Variants in STAG2 observed in about 807,000 individuals in gnomAD.
The protein encoded by STAG2 is STAG2 cohesin complex component.
Under a neutral mutation model 108.1 loss-of-function variants are expected in STAG2, and 14 were observed. The ratio of observed to expected loss-of-function variants is 0.13; its 90% CI spans 0.09 to 0.20. The LOEUF is 0.20. STAG2 is among the 10% of genes least tolerant of loss of function. The pLI, the probability that STAG2 is intolerant of heterozygous loss-of-function variation, is 1.00. For synonymous variants in STAG2, 307 were observed against 302.7 expected (o/e 1.01, Z -0.15); for missense variants, 440 against 940.9 (o/e 0.47, Z 6.96).
At chrX:123,979,056 A>G (rs950944311) in intron 1 of STAG2, among the ~76,000 whole-genome samples, 3 of 111,443 alleles carry the variant, frequency 2.7e-5, no homozygotes, top group African/African-American at 9.8e-5. Context: ...AGGGGATATT[A>G]TACCCATTTT....
chrX:124,045,454 A>T, intron 8 of STAG2, 86 bp downstream of exon 8: 1 of 843,990 alleles, frequency 1.2e-6, no homozygotes, highest in Non-Finnish European at 1.7e-6. Context: ...AATAACAGAG[A>T]TACAAATTAA....
intron 29 of STAG2, among the ~76,000 whole-genome samples, chrX:124,084,165 A>G (rs1026967006): frequency 9.0e-6 from 1 of 111,607 alleles, no homozygotes; most frequent in Admixed American, 9.6e-5. Flanking sequence ...GATACCTCAT[A>G]TTGTAAATAA....
intron 32 of STAG2, among the ~76,000 whole-genome samples, chrX:124,093,203 C>G (rs370359167): frequency 2.7e-5 from 3 of 111,346 alleles, no homozygotes; most frequent in African/African-American, 9.8e-5. Flanking sequence ...ACATATATAA[C>G]TTTTGGTCTT....
chrX:123,990,357 A>G (rs73212913), intron 1 of STAG2, among the ~76,000 whole-genome samples: 16,339 of 111,371 alleles, frequency 0.15, 1,121 homozygotes, highest in South Asian at 0.36. Flanking sequence ...GATACTCTTA[A>G]GAAAGGTACT....
chrX:124,086,443 C>A, intron 29 of STAG2, 104 bp from the exon 30 acceptor site: 1 of 562,554 alleles, frequency 1.8e-6, no homozygotes, highest in Non-Finnish European at 2.8e-6. Context: ...TCCTGTAAGG[C>A]TGAGTTTGAG....
At chrX:124,017,927 ATAAT>A (rs1282098214) in intron 1 of STAG2, among the ~76,000 whole-genome samples, 1 of 112,141 alleles carries the variant, frequency 8.9e-6, no homozygotes, top group Non-Finnish European at 1.9e-5. Flanking sequence ...TTTTAATCTA[ATAAT>A]TAATAGCCTT....
At chrX:124,032,039 T>C (rs2057364503) in intron 5 of STAG2, among the ~76,000 whole-genome samples, 1 of 112,114 alleles carries the variant, frequency 8.9e-6, no homozygotes, top group Admixed American at 9.4e-5. Flanking sequence ...CCCAACCCAT[T>C]ATTTTTTTTT....
chrX:123,988,881 T>G (rs1398051144), intron 1 of STAG2, among the ~76,000 whole-genome samples: 1 of 111,610 alleles, frequency 9.0e-6, no homozygotes, highest in Non-Finnish European at 1.9e-5. Context: ...TTCATTCCAG[T>G]TAAGCATATT....
At chrX:123,976,763 G>C (rs1353275788) in intron 1 of STAG2, among the ~76,000 whole-genome samples, 1 of 111,708 alleles carries the variant, frequency 9.0e-6, no homozygotes, top group Non-Finnish European at 1.9e-5. Flanking sequence ...CTGAGGTTCA[G>C]AATTGTTAGA....
At chrX:123,969,034 G>A (rs907782480) in intron 1 of STAG2, among the ~76,000 whole-genome samples, 2 of 112,072 alleles carry the variant, frequency 1.8e-5, no homozygotes, top group African/African-American at 6.5e-5. Context: ...CAGAGAGCAT[G>A]CATTCTTATT....
In STAG2 at chrX:124,078,038, C is replaced by T; in HGVS notation, c.2755C>T (p.Leu919Phe). The T allele has an allele frequency of 8.4e-7, 1 of 1,191,286 alleles. No individual in the cohort carries two copies. Among genetic ancestry groups the T allele is most frequent in the Non-Finnish European group, 1.1e-6 (1 of 885,824 alleles). ...QIDKIQCAKTLILSLQQLFNE... is the reference protein window; with the variant it reads ...QIDKIQCAKTFILSLQQLFNE... ...AGACAAAATTCAGTGTGCTAAGACC[C>T]TTATTCTCAGTCTGCAACAGGTAAG... is the stretch of plus-strand genomic sequence containing the variant. Residue 919 changes from leucine to phenylalanine, a missense_variant, in exon 27 of 35, where the codon CTT becomes TTT. Around this residue, in one of 3 missense-constraint regions of STAG2, gnomAD observed 337 missense variants for 649.3 expected, o/e 0.52. Transcript: ENST00000371145.
chrX:123,990,136 G>A (rs1569495135), intron 1 of STAG2, among the ~76,000 whole-genome samples: 1 of 111,545 alleles, frequency 9.0e-6, no homozygotes, highest in Non-Finnish European at 1.9e-5. Context: ...GAGTAGAAGC[G>A]GCTGGACCAG....
At chrX:124,007,136 C>T (rs1417451213) in intron 1 of STAG2, among the ~76,000 whole-genome samples, 1 of 105,762 alleles carries the variant, frequency 9.5e-6, no homozygotes, top group Non-Finnish European at 1.9e-5. Context: ...TCTTCCCTCC[C>T]CCTCCACCCT....
intron 1 of STAG2, among the ~76,000 whole-genome samples, chrX:123,988,260 A>C (rs1335318414): frequency 9.0e-6 from 1 of 111,642 alleles, no homozygotes; most frequent in East Asian, 2.8e-4. Context: ...ACTGGCTTTT[A>C]ATTTTTTATT....
At chrX:124,020,715 T>C (rs1210753235) in intron 1 of STAG2, among the ~76,000 whole-genome samples, 1 of 111,593 alleles carries the variant, frequency 9.0e-6, no homozygotes, top group Non-Finnish European at 1.9e-5. Flanking sequence ...AATTTATGTA[T>C]GTATGTATGT....
At chrX:124,052,379 A>G (rs1207949683) in intron 13 of STAG2, among the ~76,000 whole-genome samples, 1 of 111,548 alleles carries the variant, frequency 9.0e-6, no homozygotes, top group Non-Finnish European at 1.9e-5. Flanking sequence ...TTTATTTTCT[A>G]TCTCTATGAA....
chrX:124,080,753 A>G (rs1401881916), intron 27 of STAG2, among the ~76,000 whole-genome samples: 1 of 111,668 alleles, frequency 9.0e-6, no homozygotes, highest in African/African-American at 3.3e-5. Flanking sequence ...GTTTTGACAC[A>G]GTGTATAGTT....
At chrX:124,030,643 A>G (rs2057303990) in intron 4 of STAG2, among the ~76,000 whole-genome samples, 1 of 111,887 alleles carries the variant, frequency 8.9e-6, no homozygotes, top group Admixed American at 9.6e-5. Context: ...TTAGAAAAAC[A>G]TCACTGAAAC....
chrX:123,975,085 T>C (rs1045348674), intron 1 of STAG2, among the ~76,000 whole-genome samples: 1 of 111,791 alleles, frequency 8.9e-6, no homozygotes, highest in Non-Finnish European at 1.9e-5. Flanking sequence ...TTGCAAACTT[T>C]ATGGTGGCTA....
Sources: allele counts gnomAD v4.1 joint callset (sites outside exome capture counted in the v4.1 genomes callset), GRCh38; gene constraint gnomAD v4.1.1; regional missense constraint gnomAD v4.1.1; transcripts MANE v1.5; gene names NCBI Gene and HGNC (gene_info 2026-07-23, HGNC 2026-07-21).